CDH13: variants seen among roughly 807,000 people sequenced by gnomAD.
CDH13 encodes the protein cadherin 13.
A neutral mutation model predicts 63.8 loss-of-function variants in CDH13; 24 were observed. The observed-to-expected ratio is 0.38, with a 90% CI of 0.27 to 0.53. The LOEUF (loss-of-function observed/expected upper bound fraction) is 0.53, where lower values mean the gene tolerates loss of function less well. CDH13 is among the 20% of genes least tolerant of loss of function. The probability of loss-of-function intolerance (pLI) is 0.85; values close to 1 mark genes in which losing one functional copy is unlikely to be tolerated. For missense variants in CDH13, 1,049 were observed against 903.1 expected, an observed-to-expected ratio of 1.16 and a Z score of -2.07; for synonymous variants, 503 against 355.3, an observed-to-expected ratio of 1.42 and a Z score of -4.67.
chr16:82,639,384 A>C (rs750845699), intron 1 of CDH13: 2 of 1,535,590 alleles, frequency 1.3e-6, no homozygotes, highest in South Asian at 2.4e-5. Context: ...CCTGCACTGC[A>C]TGGTTCCCCC....
chr16:83,612,814 C>T (rs567450071), intron 8 of CDH13, among the ~76,000 whole-genome samples: 2 of 152,154 alleles, frequency 1.3e-5, no homozygotes, highest in South Asian at 2.1e-4. Context: ...TTTTATCATC[C>T]TCCTACCTTC....
intron 4 of CDH13, among the ~76,000 whole-genome samples, chr16:83,163,386 T>C (rs2037530253): frequency 6.6e-6 from 1 of 152,070 alleles, no homozygotes; most frequent in African/African-American, 2.4e-5. Flanking sequence ...GGTCAAAACC[T>C]GCACCCCAGG....
At chr16:83,405,356 G>T (rs1008775832) in intron 6 of CDH13, among the ~76,000 whole-genome samples, 1 of 152,148 alleles carries the variant, frequency 6.6e-6, no homozygotes, top group Non-Finnish European at 1.5e-5. Context: ...TTGAGTTAAG[G>T]ATCTTGATTT....
intron 5 of CDH13, among the ~76,000 whole-genome samples, chr16:83,293,769 G>A (rs1213768938): frequency 1.3e-5 from 2 of 152,112 alleles, no homozygotes; most frequent in Non-Finnish European, 2.9e-5. Context: ...TATTAAAAAC[G>A]AGGATTTGGT....
intron 6 of CDH13, among the ~76,000 whole-genome samples, chr16:83,388,786 CCATGGATACAGCTA>C (rs1346952671): frequency 6.6e-6 from 1 of 152,160 alleles, no homozygotes; most frequent in East Asian, 1.9e-4. Context: ...CCCAGGATGG[CCATGGATACAGCTA>C]CATTAGCCTC....
In CDH13 at chr16:83,713,895, G is replaced by A. The variant is rs143763569; in HGVS notation, c.1539-34213G>A. Among the ~76,000 whole-genome samples the A allele has an allele frequency of 4.4e-4, 67 of 152,276 alleles. No individual in the cohort carries two copies. The East Asian group carries it at 0.013, about 29-fold the overall frequency. On this transcript the variant is annotated intron_variant, in intron 10 of 13. Coordinates refer to ENST00000567109, the MANE Select transcript of CDH13 (RefSeq NM_001257.5). ...CATTGTCAACATTACTCTCAAAGAGGCTTTGGTCAGGTTTCAAAAGGCCAG... is the reference window on the plus strand; with the variant it reads ...CATTGTCAACATTACTCTCAAAGAGACTTTGGTCAGGTTTCAAAAGGCCAG...
chr16:83,435,775 C>T (rs945957813), intron 6 of CDH13, among the ~76,000 whole-genome samples: 1 of 152,122 alleles, frequency 6.6e-6, no homozygotes, highest in African/African-American at 2.4e-5. Context: ...TCCCTCTCTC[C>T]GTGTTCACTA....
intron 1 of CDH13, among the ~76,000 whole-genome samples, chr16:82,772,355 T>C (rs553395056): frequency 6.6e-6 from 1 of 152,206 alleles, no homozygotes; most frequent in South Asian, 2.1e-4. Context: ...ATCTAGGGGA[T>C]GTGGATGGTG....
intron 10 of CDH13, among the ~76,000 whole-genome samples, chr16:83,736,782 AG>A (rs1052812771): frequency 3.9e-5 from 6 of 152,236 alleles, no homozygotes; most frequent in Non-Finnish European, 7.3e-5. Flanking sequence ...AGGCACAAAA[AG>A]GTCCTATTGC....
chr16:83,034,344 G>T (rs1017623817), intron 3 of CDH13, among the ~76,000 whole-genome samples: 3 of 152,146 alleles, frequency 2.0e-5, no homozygotes, highest in African/African-American at 7.2e-5. Flanking sequence ...CATCTGTGAA[G>T]CTGTGAGTTA....
At chr16:82,812,869 G>A (rs542352271) in intron 1 of CDH13, among the ~76,000 whole-genome samples, 15 of 148,208 alleles carry the variant, frequency 1.0e-4, no homozygotes, top group African/African-American at 3.8e-4. Context: ...TTTCCTGTAG[G>A]AGATACTTTC....
chr16:83,529,681 G>A (rs2075040005), intron 7 of CDH13, among the ~76,000 whole-genome samples: 1 of 151,794 alleles, frequency 6.6e-6, no homozygotes, highest in South Asian at 2.1e-4. Flanking sequence ...AATATAAATG[G>A]AAATAGAGAT....
At chr16:83,165,034 G>T (rs796854990) in intron 4 of CDH13, among the ~76,000 whole-genome samples, 2 of 149,468 alleles carry the variant, frequency 1.3e-5, no homozygotes, top group South Asian at 2.1e-4. Flanking sequence ...CCAGAGCCCA[G>T]CCCACGCTCT....
chr16:83,627,341 G>A (rs761462782), intron 8 of CDH13, among the ~76,000 whole-genome samples: 24 of 152,260 alleles, frequency 1.6e-4, no homozygotes, highest in Admixed American at 5.2e-4. Context: ...CCCACTTCTA[G>A]GAGTGGAGTG....
At chr16:83,188,867 G>A (rs2038610084) in intron 4 of CDH13, among the ~76,000 whole-genome samples, 1 of 152,044 alleles carries the variant, frequency 6.6e-6, no homozygotes, top group South Asian at 2.1e-4. Context: ...TTCTCCTGTA[G>A]TCGGGGTGAG....
chr16:83,800,371 C>G lies in CDH13; in HGVS notation c.*5341C>G, dbSNP rs1904313161. The G allele has an allele frequency of 1.3e-5, 2 of 152,214 alleles. No homozygotes were observed. Among genetic ancestry groups the G allele is most frequent in the African/African-American group, 4.8e-5 (2 of 41,446 alleles). The allele number at this position is 152,214 out of a possible 1,614,324, so 9.4% of individuals were successfully genotyped here. On this transcript the variant is annotated 3_prime_UTR_variant, in exon 14 of 14. Transcript: ENST00000567109. ...CTGTGTTGTCATGCACATGTCAACA[C>G]TGTCCTGATGACAAAATTTTATGTA...
chr16:83,557,132 G>T (rs1184364645), intron 7 of CDH13, among the ~76,000 whole-genome samples: 3 of 152,106 alleles, frequency 2.0e-5, no homozygotes, highest in African/African-American at 7.2e-5. Context: ...TCTCATAGGA[G>T]TATGAACCTT....
At chr16:82,627,615 G>A (rs957992196) in intron 1 of CDH13, among the ~76,000 whole-genome samples, 5 of 152,096 alleles carry the variant, frequency 3.3e-5, no homozygotes, top group South Asian at 2.1e-4. Flanking sequence ...GAGAGGCCGA[G>A]CAGGCACCAC....
At chr16:83,612,300 C>T (rs141918736) in intron 8 of CDH13, among the ~76,000 whole-genome samples, 32 of 152,084 alleles carry the variant, frequency 2.1e-4, no homozygotes, top group African/African-American at 7.0e-4. Flanking sequence ...TAACATTTAT[C>T]TCATCTCGTA....
Sources: allele counts gnomAD v4.1 joint callset (sites outside exome capture counted in the v4.1 genomes callset), GRCh38; gene constraint gnomAD v4.1.1; transcripts MANE v1.5; gene names NCBI Gene and HGNC (gene_info 2026-07-23, HGNC 2026-07-21).